Variants in QTMAN observed in about 807,000 individuals in gnomAD.
QTMAN encodes the protein tRNA-queuosine alpha-mannosyltransferase.
the QTMAN span, among the ~76,000 whole-genome samples, chr2:144,318,194 AACACACACAC>A: frequency 5.3e-4 from 75 of 142,026 alleles, no homozygotes; most frequent in East Asian, 0.01. Flanking sequence ...TATTTAAATA[AACACACACAC>A]ACACACACAC....
At chr2:144,101,256 CA>C in the QTMAN span, among the ~76,000 whole-genome samples, 1 of 151,972 alleles carries the variant, frequency 6.6e-6, no homozygotes, top group African/African-American at 2.4e-5. Flanking sequence ...CAGGAGTTGC[CA>C]AATCAGGTGA....
the QTMAN span, among the ~76,000 whole-genome samples, chr2:144,277,771 T>C: frequency 3.3e-5 from 5 of 152,218 alleles, no homozygotes; most frequent in South Asian, 1.0e-3. Flanking sequence ...ACAGCAAAGG[T>C]GCTAAATCAA....
At chr2:144,158,687 G>GA in the QTMAN span, among the ~76,000 whole-genome samples, 1 of 151,972 alleles carries the variant, frequency 6.6e-6, no homozygotes, top group East Asian at 1.9e-4. Flanking sequence ...CAGAGTCAAT[G>GA]AAAAAAGCCT....
At chr2:144,036,494 C>T in the QTMAN span, among the ~76,000 whole-genome samples, 5 of 152,128 alleles carry the variant, frequency 3.3e-5, no homozygotes, top group African/African-American at 1.2e-4. Flanking sequence ...AAATTTAATA[C>T]TGAACACAAA....
chr2:144,081,202 G>A, the QTMAN span, among the ~76,000 whole-genome samples: 7 of 152,224 alleles, frequency 4.6e-5, no homozygotes, highest in South Asian at 1.2e-3. Context: ...CTTTCAGGTG[G>A]GTACTGAAGG....
the QTMAN span, among the ~76,000 whole-genome samples, chr2:144,115,758 G>C: frequency 3.3e-5 from 5 of 152,134 alleles, no homozygotes; most frequent in African/African-American, 1.2e-4. Context: ...TTATACACAG[G>C]TCATAACTGA....
chr2:144,119,297 C>T, the QTMAN span, among the ~76,000 whole-genome samples: 1 of 152,184 alleles, frequency 6.6e-6, no homozygotes, highest in South Asian at 2.1e-4. Flanking sequence ...TGCACAAACC[C>T]TGAGATAGTC....
At chr2:144,053,913 C>T in the QTMAN span, among the ~76,000 whole-genome samples, 7 of 152,200 alleles carry the variant, frequency 4.6e-5, no homozygotes, top group South Asian at 2.1e-4. Context: ...CCTGGCCGGG[C>T]GTGGTGGCTC....
the QTMAN span, among the ~76,000 whole-genome samples, chr2:144,256,801 C>G: frequency 6.6e-6 from 1 of 151,858 alleles, no homozygotes; most frequent in South Asian, 2.1e-4. Context: ...ACAGATGCAG[C>G]AAACCACCAT....
the QTMAN span, among the ~76,000 whole-genome samples, chr2:144,167,432 G>C: frequency 3.3e-5 from 5 of 152,114 alleles, no homozygotes; most frequent in Non-Finnish European, 7.4e-5. Flanking sequence ...AATTGATACG[G>C]TTTGGCTCCC....
At chr2:144,269,084 C>T in the QTMAN span, among the ~76,000 whole-genome samples, 11 of 152,148 alleles carry the variant, frequency 7.2e-5, no homozygotes, top group Non-Finnish European at 1.0e-4. Flanking sequence ...CCACTGCACT[C>T]GGCCCCCAAG....
chr2:144,214,082 A>G, the QTMAN span, among the ~76,000 whole-genome samples: 1 of 152,188 alleles, frequency 6.6e-6, no homozygotes, highest in South Asian at 2.1e-4. Context: ...AATAGTAAAA[A>G]TAAGCATGAA....
the QTMAN span, among the ~76,000 whole-genome samples, chr2:144,158,131 C>G: frequency 6.6e-6 from 1 of 151,846 alleles, no homozygotes; most frequent in Non-Finnish European, 1.5e-5. Context: ...ATTCTAGTAA[C>G]TTTTTTATAA....
chr2:144,287,012 G>A, the QTMAN span, among the ~76,000 whole-genome samples: 1 of 152,154 alleles, frequency 6.6e-6, no homozygotes, highest in Non-Finnish European at 1.5e-5. Flanking sequence ...TTTGCATGAA[G>A]CCAACTTAAA....
the QTMAN span, among the ~76,000 whole-genome samples, chr2:144,289,149 T>C: frequency 1.3e-5 from 2 of 149,294 alleles, no homozygotes; most frequent in African/African-American, 4.9e-5. Context: ...TTCTCCTGCC[T>C]CAGCCTCCTG....
At chr2:144,283,490 G>A in the QTMAN span, among the ~76,000 whole-genome samples, 1 of 151,998 alleles carries the variant, frequency 6.6e-6, no homozygotes, top group African/African-American at 2.4e-5. Context: ...CGGAGGGAGT[G>A]ACATTGTATT....
the QTMAN span, among the ~76,000 whole-genome samples, chr2:144,210,087 GTA>G: frequency 1.3e-5 from 2 of 152,004 alleles, no homozygotes; most frequent in Non-Finnish European, 2.9e-5. Flanking sequence ...GACTGTGTGT[GTA>G]TATTTCATTT....
the QTMAN span, among the ~76,000 whole-genome samples, chr2:144,140,857 T>G: frequency 6.6e-6 from 1 of 152,028 alleles, no homozygotes; most frequent in Non-Finnish European, 1.5e-5. Context: ...TGGTCTAACT[T>G]AAATTTTATG....
the QTMAN span, among the ~76,000 whole-genome samples, chr2:144,190,875 TA>T: frequency 6.6e-6 from 1 of 152,174 alleles, no homozygotes; most frequent in Non-Finnish European, 1.5e-5. Context: ...GCAGACCATG[TA>T]AATTTGCATC....
Sources: allele counts gnomAD v4.1 joint callset (sites outside exome capture counted in the v4.1 genomes callset), GRCh38; gene constraint gnomAD v4.1.1; transcripts MANE v1.5; gene names NCBI Gene and HGNC (gene_info 2026-07-23, HGNC 2026-07-21).